IQGAP2: variants seen among roughly 807,000 people sequenced by gnomAD.
The protein encoded by IQGAP2 is IQ motif containing GTPase activating protein 2.
IQGAP2 carries 173 observed loss-of-function variants against 201.3 expected under a neutral mutation model. The observed-to-expected ratio is 0.86, with a 90% CI of 0.76 to 0.98. IQGAP2 has a LOEUF of 0.98. IQGAP2 is among the 50% of genes least tolerant of loss of function. The pLI is 0.00. For missense variants in IQGAP2, 1,687 were observed against 1,864.8 expected, an observed-to-expected ratio of 0.90 and a Z score of 1.76; for synonymous variants, 675 against 673.9, an observed-to-expected ratio of 1.00 and a Z score of -0.03.
In IQGAP2 at chr5:76,606,373, G is replaced by C. The variant is rs992766746; in HGVS notation, c.1357+70G>C. 11 of 1,380,452 alleles carry C rather than the reference G, an allele frequency of 8.0e-6. No homozygotes were observed. The African/African-American group carries it at 1.3e-4, about 16-fold the overall frequency. 85.5% of individuals were successfully genotyped at this position (1,380,452 alleles called of 1,614,324 possible). A position where few individuals can be genotyped will look rare whatever the true frequency, so the allele number is the denominator to read the frequency against. On this transcript the variant is annotated intron_variant, in intron 12 of 35. Transcript: ENST00000274364. ...GGTATCTGGACAACTTAGTTTTCTA[G>C]ATTAGGGCTTTAAGTTTTTGCTCAA...
intron 2 of IQGAP2, among the ~76,000 whole-genome samples, chr5:76,472,293 G>T (rs1175517234): frequency 6.6e-6 from 1 of 152,230 alleles, no homozygotes; most frequent in Non-Finnish European, 1.5e-5. Flanking sequence ...TCTTAACAGG[G>T]TGATCTCCGT....
chr5:76,409,241 C>CTTTTTTT (rs35574851), intron 1 of IQGAP2, among the ~76,000 whole-genome samples: 8 of 79,368 alleles, frequency 1.0e-4, no homozygotes, highest in Admixed American at 1.8e-4. Context: ...AATACATGGG[C>CTTTTTTT]TTTTTTTTTT....
At chr5:76,506,350 G>T (rs1178445735) in intron 2 of IQGAP2, among the ~76,000 whole-genome samples, 1 of 152,176 alleles carries the variant, frequency 6.6e-6, no homozygotes, top group African/African-American at 2.4e-5. Context: ...CTTCCAATGT[G>T]TGAAAATGTA....
intron 35 of IQGAP2, among the ~76,000 whole-genome samples, chr5:76,703,448 A>G (rs1747599490): frequency 6.6e-6 from 1 of 152,006 alleles, no homozygotes; most frequent in Non-Finnish European, 1.5e-5. Flanking sequence ...TAGCCACCAC[A>G]CCTGGCCCCT....
chr5:76,530,589 A>G (rs1356544445), intron 2 of IQGAP2, among the ~76,000 whole-genome samples: 2 of 152,246 alleles, frequency 1.3e-5, no homozygotes, highest in Non-Finnish European at 2.9e-5. Flanking sequence ...TTTCAAAAGA[A>G]ATTGTGTTAT....
chr5:76,613,929 G>T (rs1277460935), intron 13 of IQGAP2, among the ~76,000 whole-genome samples: 1 of 152,118 alleles, frequency 6.6e-6, no homozygotes, highest in Non-Finnish European at 1.5e-5. Flanking sequence ...CTGACCTCAG[G>T]TTATCCACCT....
chr5:76,607,817 A>G (rs1747931061), intron 12 of IQGAP2: 1 of 152,242 alleles, frequency 6.6e-6, no homozygotes, highest in African/African-American at 2.4e-5. Context: ...TGGTTGCTAC[A>G]GCAACTGCCA....
intron 2 of IQGAP2, among the ~76,000 whole-genome samples, chr5:76,480,442 A>G (rs889906908): frequency 2.0e-5 from 3 of 152,136 alleles, no homozygotes; most frequent in Non-Finnish European, 1.5e-5. Context: ...GTCTTCATAG[A>G]TGAACCCAGA....
chr5:76,521,559 T>C (rs1235782891), intron 2 of IQGAP2, among the ~76,000 whole-genome samples: 3 of 152,184 alleles, frequency 2.0e-5, no homozygotes, highest in Admixed American at 2.0e-4. Context: ...GCCATAGATA[T>C]TTGCCAGAAA....
chr5:76,484,893 A>G (rs925992875), intron 2 of IQGAP2, among the ~76,000 whole-genome samples: 1 of 152,256 alleles, frequency 6.6e-6, no homozygotes, highest in Admixed American at 6.5e-5. Flanking sequence ...GTGCAGTGGC[A>G]TGATCACGAC....
chr5:76,701,372 A>C (rs945266624), intron 34 of IQGAP2, among the ~76,000 whole-genome samples, 159 bp downstream of exon 34: 3 of 152,258 alleles, frequency 2.0e-5, no homozygotes, highest in African/African-American at 7.2e-5. Context: ...CCTTGGCCTC[A>C]GCATCTGGTG....
intron 33 of IQGAP2, among the ~76,000 whole-genome samples, chr5:76,699,648 TCTCTCTCTCTCTCA>T (rs1747116044): frequency 8.8e-5 from 11 of 124,594 alleles, no homozygotes; most frequent in Admixed American, 1.6e-4. Context: ...TCTCTCTCTC[TCTCTCTCTCTCTCA>T]CTCTCGTGCT....
Position 76,403,990 on chromosome 5 carries a change from G to A in IQGAP2, c.46+399G>A, listed in dbSNP as rs1330193354. 1.3e-5 allele frequency among the ~76,000 whole-genome samples: 2 copies of A among 152,310 alleles called. No homozygotes were observed. Among genetic ancestry groups the A allele is most frequent in the South Asian group, 2.1e-4 (1 of 4,830 alleles). On this transcript the variant is annotated intron_variant, in intron 1 of 35. Transcript: ENST00000274364. This position sits in a 1 kb window ranked among gnomAD's most constrained non-coding sequence, Gnocchi z 4.8. ...GGATTCTTCCAACCCAGAAGGGGAG[G>A]AAAGTTTGTTTGCTGTGGCTACAGG...
At chr5:76,677,576 G>T (rs78711936) in intron 28 of IQGAP2, 8,346 of 347,846 alleles carry the variant, frequency 0.024, 591 homozygotes, top group African/African-American at 0.16. Flanking sequence ...CTGACTCCTA[G>T]ACATTAATAA....
chr5:76,546,822 G>A (rs1024257964), intron 2 of IQGAP2, among the ~76,000 whole-genome samples: 2 of 152,156 alleles, frequency 1.3e-5, no homozygotes, highest in Admixed American at 6.5e-5. Flanking sequence ...GTTTTCACTC[G>A]AGGGATATTA....
At chr5:76,418,610 A>AG (rs1219005739) in intron 1 of IQGAP2, among the ~76,000 whole-genome samples, 6 of 151,414 alleles carry the variant, frequency 4.0e-5, no homozygotes, top group Middle Eastern at 3.4e-3. Context: ...AAAAAAAAAA[A>AG]TCTCTAAATT....
intron 1 of IQGAP2, among the ~76,000 whole-genome samples, chr5:76,459,556 T>A (rs1258638623): frequency 3.9e-5 from 6 of 152,212 alleles, no homozygotes; most frequent in African/African-American, 1.4e-4. Flanking sequence ...TCTTGGGGAT[T>A]AACTGTTCAG....
At chr5:76,429,342 G>C (rs1287954801) in intron 1 of IQGAP2, among the ~76,000 whole-genome samples, 1 of 151,574 alleles carries the variant, frequency 6.6e-6, no homozygotes, top group Non-Finnish European at 1.5e-5. Flanking sequence ...GGAGGCTGAG[G>C]TGGGCAGATC....
chr5:76,520,922 T>G (rs961476243), intron 2 of IQGAP2, among the ~76,000 whole-genome samples: 1 of 151,912 alleles, frequency 6.6e-6, no homozygotes, highest in African/African-American at 2.4e-5. Context: ...CTGGCCAGGC[T>G]GGTCTCAAAT....
Sources: gnomAD v4.1 joint callset for allele counts (sites outside exome capture counted in the v4.1 genomes callset) on GRCh38, gnomAD v4.1.1 for gene constraint, Gnocchi (gnomAD v3.1) non-coding constraint, MANE v1.5 for transcripts, NCBI Gene and HGNC (gene_info 2026-07-23, HGNC 2026-07-21) for gene names.